Variants in B3GLCT observed in about 807,000 individuals in gnomAD.
B3GLCT encodes beta-1,3-glucosyltransferase.
In B3GLCT, 65 loss-of-function variants were observed where a neutral mutation model predicts 63.4. The ratio of observed to expected loss-of-function variants is 1.03; its 90% CI spans 0.84 to 1.26. The LOEUF is 1.26. B3GLCT is among the 50% of genes most tolerant of loss of function. B3GLCT has a pLI of 0.00. For missense variants in B3GLCT, 577 were observed against 604.8 expected (o/e 0.95, Z 0.48); for synonymous variants, 233 against 219.2 (o/e 1.06, Z -0.55).
chr13:31,253,966 G>A (rs1281849194), intron 6 of B3GLCT, among the ~76,000 whole-genome samples: 1 of 151,808 alleles, frequency 6.6e-6, no homozygotes, highest in Non-Finnish European at 1.5e-5. Context: ...ACACATGCAA[G>A]ACTAAACCAA....
At chr13:31,309,313 C>T (rs1372666753) in intron 12 of B3GLCT, among the ~76,000 whole-genome samples, 3 of 152,212 alleles carry the variant, frequency 2.0e-5, no homozygotes, top group Admixed American at 2.0e-4. Context: ...ACTTCTGTGA[C>T]CCTGAAATAT....
chr13:31,301,050 A>G (rs998222256), intron 12 of B3GLCT, among the ~76,000 whole-genome samples: 1 of 152,230 alleles, frequency 6.6e-6, no homozygotes, highest in African/African-American at 2.4e-5. Context: ...TAGAAGCAAG[A>G]TGGAGTCAGC....
At chr13:31,297,322 G>A (rs1593305167) in intron 12 of B3GLCT, among the ~76,000 whole-genome samples, 1 of 150,042 alleles carries the variant, frequency 6.7e-6, no homozygotes, top group East Asian at 2.0e-4. Context: ...CCTACCAGAA[G>A]TGCACAAGGT....
chr13:31,213,631 C>CT (rs917892112), intron 1 of B3GLCT, among the ~76,000 whole-genome samples: 4 of 127,680 alleles, frequency 3.1e-5, no homozygotes, highest in Non-Finnish European at 5.1e-5. Context: ...ACCCCCCCCC[C>CT]CCGCCAAAAC....
intron 12 of B3GLCT, among the ~76,000 whole-genome samples, chr13:31,294,894 T>G (rs1873854855): frequency 6.6e-6 from 1 of 151,462 alleles, no homozygotes; most frequent in Admixed American, 6.6e-5. Context: ...GCATTCTGGT[T>G]TTTTTTTTGG....
At chr13:31,280,736 C>T (rs1873030888) in intron 10 of B3GLCT, among the ~76,000 whole-genome samples, 1 of 152,150 alleles carries the variant, frequency 6.6e-6, no homozygotes, top group African/African-American at 2.4e-5. Flanking sequence ...TTAACAATAA[C>T]ACATTTATGT....
At chr13:31,325,339 T>C (rs1875554404) in intron 14 of B3GLCT, among the ~76,000 whole-genome samples, 3 of 152,190 alleles carry the variant, frequency 2.0e-5, no homozygotes, top group Admixed American at 2.0e-4. Context: ...TTCTCTGCGG[T>C]TCCCTCTCTT....
chr13:31,297,631 C>G (rs1465652217), intron 12 of B3GLCT, among the ~76,000 whole-genome samples: 1 of 152,090 alleles, frequency 6.6e-6, no homozygotes, highest in Non-Finnish European at 1.5e-5. Flanking sequence ...TTAACACTGT[C>G]TACCTGGAGA....
chr13:31,220,255 TA>T (rs1403199951), intron 2 of B3GLCT, among the ~76,000 whole-genome samples: 1 of 152,244 alleles, frequency 6.6e-6, no homozygotes. Flanking sequence ...ACTTATGAAC[TA>T]AGCATTACAT....
intron 13 of B3GLCT, among the ~76,000 whole-genome samples, chr13:31,319,522 A>G (rs1875226017): frequency 6.6e-6 from 1 of 152,082 alleles, no homozygotes; most frequent in African/African-American, 2.4e-5. Context: ...TTGACCTGAA[A>G]CACCCCTTTC....
intron 12 of B3GLCT, among the ~76,000 whole-genome samples, chr13:31,314,035 G>A (rs1685320989): frequency 6.6e-6 from 1 of 152,356 alleles, no homozygotes; most frequent in Non-Finnish European, 1.5e-5. Flanking sequence ...GTGGTGTTGA[G>A]CCTGCGGGTA....
At chr13:31,248,864 G>T (rs1346934186) in intron 6 of B3GLCT, among the ~76,000 whole-genome samples, 1 of 152,172 alleles carries the variant, frequency 6.6e-6, no homozygotes, top group Non-Finnish European at 1.5e-5. Context: ...CAGTTTTGCT[G>T]CTGGGCTATG....
intron 10 of B3GLCT, 61 bp downstream of exon 10, chr13:31,276,832 G>T: frequency 1.6e-6 from 2 of 1,213,124 alleles, no homozygotes; most frequent in South Asian, 2.4e-5. Context: ...CTAAAGAAAA[G>T]TACCAATGAA....
Position 31,200,073 on chromosome 13 carries a change from T to G in B3GLCT, c.-12T>G. 1 of 1,364,214 alleles carries G rather than the reference T, an allele frequency of 7.3e-7. No individual in the cohort carries two copies. The highest frequency in any genetic ancestry group is 2.8e-4 in the Middle Eastern group (1 of 3,636). 84.5% of individuals were successfully genotyped at this position (1,364,214 alleles called of 1,614,324 possible). On this transcript the variant is annotated 5_prime_UTR_variant, in exon 1 of 15. Coordinates refer to ENST00000343307, the MANE Select transcript of B3GLCT (RefSeq NM_194318.4). ...CCGCGCCCAGGTAGGGCGCTCAGCCTCCGCCGCCAGGATGCGGCCGCCCGC... is the reference window on the plus strand; with the variant it reads ...CCGCGCCCAGGTAGGGCGCTCAGCCGCCGCCGCCAGGATGCGGCCGCCCGC...
chr13:31,324,700 A>ACTTTT (rs1566100396), intron 14 of B3GLCT, among the ~76,000 whole-genome samples: 1 of 152,152 alleles, frequency 6.6e-6, no homozygotes, highest in Non-Finnish European at 1.5e-5. Flanking sequence ...TATTGAAAAT[A>ACTTTT]CTTTTTTTAT....
At chr13:31,322,175 G>T (rs1288207686) in intron 13 of B3GLCT, among the ~76,000 whole-genome samples, 1 of 152,190 alleles carries the variant, frequency 6.6e-6, no homozygotes, top group East Asian at 1.9e-4. Context: ...AGCCTTTTTG[G>T]CAGCCTTGGG....
chr13:31,206,463 G>A (rs1442840353), intron 1 of B3GLCT, among the ~76,000 whole-genome samples: 2 of 151,976 alleles, frequency 1.3e-5, no homozygotes, highest in African/African-American at 4.8e-5. Flanking sequence ...GATCAAGCCC[G>A]GGCGCAGTGG....
At chr13:31,276,915 ACTC>A in intron 10 of B3GLCT, 144 bp downstream of exon 10, 1 of 695,950 alleles carries the variant, frequency 1.4e-6, no homozygotes, top group Non-Finnish European at 2.5e-6. Flanking sequence ...TTTAATCAAT[ACTC>A]CTCATTGCAC....
In B3GLCT at chr13:31,329,726, A is replaced by T; in HGVS notation, c.*58A>T. 10 of 1,582,880 alleles carry T rather than the reference A, an allele frequency of 6.3e-6. No individual in the cohort carries two copies. The South Asian group carries it at 1.1e-4, about 18-fold the overall frequency. ...GGAATGAACTGGAGACTGTGGCCTC[A>T]TCCCACTGTGCTGTGCTCACAACAC... On this transcript the variant is annotated 3_prime_UTR_variant, in exon 15 of 15. Coordinates refer to ENST00000343307, the MANE Select transcript of B3GLCT (RefSeq NM_194318.4).
Sources: allele counts gnomAD v4.1 joint callset (sites outside exome capture counted in the v4.1 genomes callset), GRCh38; gene constraint gnomAD v4.1.1; transcripts MANE v1.5; gene names NCBI Gene and HGNC (gene_info 2026-07-23, HGNC 2026-07-21).